RIMS2: variants seen among roughly 807,000 people sequenced by gnomAD.
The protein encoded by RIMS2 is regulating synaptic membrane exocytosis protein 2.
A neutral mutation model predicts 174.4 loss-of-function variants in RIMS2; 59 were observed. The observed-to-expected ratio is 0.34, with a 90% CI of 0.27 to 0.42. The LOEUF (loss-of-function observed/expected upper bound fraction) is 0.42. RIMS2 is among the 10% of genes least tolerant of loss of function. RIMS2 has a pLI of 1.00. For missense variants in RIMS2, 1,620 were observed against 1,666.3 expected (o/e 0.97, Z 0.48); for synonymous variants, 606 against 572.5 (o/e 1.06, Z -0.84).
intron 19 of RIMS2, among the ~76,000 whole-genome samples, chr8:104,086,656 G>A (rs1445824596): frequency 2.0e-5 from 3 of 152,020 alleles, no homozygotes; most frequent in Non-Finnish European, 4.4e-5. Context: ...GTAAGTCTTG[G>A]CATACATGCT....
intron 1 of RIMS2, among the ~76,000 whole-genome samples, chr8:103,597,891 T>A (rs549261976): frequency 2.6e-5 from 4 of 152,266 alleles, no homozygotes; most frequent in East Asian, 1.9e-4. Context: ...AGATGTAAAT[T>A]GAAAAGAATA....
intron 1 of RIMS2, among the ~76,000 whole-genome samples, chr8:103,606,888 T>A (rs1004197906): frequency 8.6e-5 from 13 of 151,898 alleles, no homozygotes; most frequent in Middle Eastern, 3.4e-3. Flanking sequence ...TTTGAGCCTA[T>A]GTGTGTCTCT....
intron 1 of RIMS2, among the ~76,000 whole-genome samples, chr8:103,618,053 A>G (rs1392109634): frequency 6.6e-6 from 1 of 152,148 alleles, no homozygotes; most frequent in African/African-American, 2.4e-5. Context: ...TCATTGTAGC[A>G]TTGTTCTCAA....
At chr8:103,929,927 A>AC (rs1271875710) in intron 11 of RIMS2, among the ~76,000 whole-genome samples, 2 of 151,902 alleles carry the variant, frequency 1.3e-5, no homozygotes, top group Non-Finnish European at 2.9e-5. Flanking sequence ...CTTGAGGATC[A>AC]CCAGAGGACT....
intron 19 of RIMS2, among the ~76,000 whole-genome samples, chr8:104,024,192 T>C (rs746543290): frequency 6.6e-6 from 1 of 152,192 alleles, no homozygotes; most frequent in African/African-American, 2.4e-5. Flanking sequence ...CTTGTTCACT[T>C]GGCTTCTTCT....
intron 3 of RIMS2, among the ~76,000 whole-genome samples, chr8:103,850,694 C>T (rs1303443799): frequency 1.4e-4 from 22 of 151,980 alleles, no homozygotes; most frequent in Admixed American, 1.4e-3. Flanking sequence ...ATATTTCTGG[C>T]TACAACTCTT....
chr8:103,553,114 A>G (rs962799074), intron 1 of RIMS2, among the ~76,000 whole-genome samples: 1 of 152,132 alleles, frequency 6.6e-6, no homozygotes. Flanking sequence ...CCAAAGGATT[A>G]TAAATCATGC....
At chr8:103,715,441 G>A (rs1211796615) in intron 2 of RIMS2, among the ~76,000 whole-genome samples, 21 of 151,940 alleles carry the variant, frequency 1.4e-4, no homozygotes, top group Admixed American at 1.3e-3. Flanking sequence ...AGGACTTTGC[G>A]ATTGTCTTTC....
intron 1 of RIMS2, among the ~76,000 whole-genome samples, chr8:103,679,186 C>T (rs1415068723): frequency 4.6e-5 from 7 of 151,842 alleles, no homozygotes; most frequent in Non-Finnish European, 1.0e-4. Flanking sequence ...ATGGATTCTC[C>T]CCTTCCCCCG....
chr8:103,634,924 A>G (rs1195982040), intron 1 of RIMS2, among the ~76,000 whole-genome samples: 1 of 151,870 alleles, frequency 6.6e-6, no homozygotes, highest in Non-Finnish European at 1.5e-5. Flanking sequence ...ATTATGTGTG[A>G]GATGGGCCTC....
At chr8:103,561,112 G>A (rs1284178386) in intron 1 of RIMS2, among the ~76,000 whole-genome samples, 1 of 152,154 alleles carries the variant, frequency 6.6e-6, no homozygotes, top group Admixed American at 6.5e-5. Context: ...ATCTAACAGA[G>A]TGCAGCTTCC....
intron 3 of RIMS2, among the ~76,000 whole-genome samples, chr8:103,859,482 A>C (rs769162316): frequency 1.3e-5 from 2 of 152,252 alleles, no homozygotes; most frequent in South Asian, 4.2e-4. Context: ...ATAGCATTCT[A>C]TTCCCTGGTC....
intron 2 of RIMS2, among the ~76,000 whole-genome samples, chr8:103,722,138 G>A (rs2097457104): frequency 6.6e-6 from 1 of 152,052 alleles, no homozygotes; most frequent in Admixed American, 6.6e-5. Context: ...TGGGGGCCAA[G>A]GTGGGCAGAT....
chr8:104,069,314 G>T (rs10099597), intron 19 of RIMS2, among the ~76,000 whole-genome samples: 1 of 151,924 alleles, frequency 6.6e-6, no homozygotes, highest in Non-Finnish European at 1.5e-5. Context: ...ACATAAGCCC[G>T]TCATGAAGCA....
intron 19 of RIMS2, chr8:104,015,381 T>C (rs1297164404): frequency 1.5e-6 from 1 of 668,824 alleles, no homozygotes; most frequent in Admixed American, 2.3e-5. Context: ...TTTTTGTTTG[T>C]TTGTTTTTGT....
chr8:103,876,003 A>C (rs1037401099), intron 3 of RIMS2, among the ~76,000 whole-genome samples: 1 of 151,962 alleles, frequency 6.6e-6, no homozygotes, highest in Non-Finnish European at 1.5e-5. Flanking sequence ...CAATCTAGAT[A>C]TTCATCCTTT....
At chr8:104,224,907 G>A (rs1001661077) in intron 19 of RIMS2, among the ~76,000 whole-genome samples, 1 of 152,184 alleles carries the variant, frequency 6.6e-6, no homozygotes, top group African/African-American at 2.4e-5. Context: ...TGCAATATCA[G>A]TTGGATATAA....
chr8:104,070,452 T>A (rs1436383042), intron 19 of RIMS2, among the ~76,000 whole-genome samples: 2 of 152,228 alleles, frequency 1.3e-5, no homozygotes, highest in Non-Finnish European at 2.9e-5. Flanking sequence ...TAGTAAATTT[T>A]GTAGCAAATA....
intron 7 of RIMS2, 36 bp downstream of exon 10, chr8:103,915,630 A>G: frequency 9.2e-7 from 1 of 1,092,422 alleles, no homozygotes; most frequent in Non-Finnish European, 1.4e-6. Flanking sequence ...CATTTAAACC[A>G]TTCAACTTTA....
Sources: gnomAD v4.1 joint callset for allele counts (sites outside exome capture counted in the v4.1 genomes callset) on GRCh38, gnomAD v4.1.1 for gene constraint, MANE v1.5 for transcripts, NCBI Gene and HGNC (gene_info 2026-07-23, HGNC 2026-07-21) for gene names.